Variants in PGPEP1 observed in about 807,000 individuals in gnomAD.
PGPEP1 encodes the protein pyroglutamyl-peptidase 1.
In PGPEP1, 15 loss-of-function variants were observed where a neutral mutation model predicts 24.1. That is an observed-to-expected ratio of 0.62 (90% CI 0.42 to 0.96). The LOEUF (loss-of-function observed/expected upper bound fraction) is 0.96, where lower values mean the gene tolerates loss of function less well. PGPEP1 is among the 40% of genes least tolerant of loss of function. PGPEP1 has a pLI of 0.00. For synonymous variants in PGPEP1, 122 were observed against 116.4 expected (o/e 1.05, Z -0.31); for missense variants, 242 against 273.4 (o/e 0.89, Z 0.81).
rs60299417 is a variant in PGPEP1 at position 18,352,266 on chromosome 19, C to CAAAAAAAAAAAAAAAAAAAAAAAAA, written c.88-3608_88-3607insAAAAAAAAAAAAAAAAAAAAAAAAA. Among the ~76,000 whole-genome samples the CAAAAAAAAAAAAAAAAAAAAAAAAA allele has an allele frequency of 2.5e-4, 11 of 43,658 alleles. 1 individual carries two copies. The highest frequency in any genetic ancestry group is 3.0e-4 in the Non-Finnish European group (7 of 23,122). The allele number at this position is 43,658 out of a possible 152,430, so 28.6% of individuals were successfully genotyped here. ...TGGGTGACAGAGCGAGACTCCGTCT[C>CAAAAAAAAAAAAAAAAAAAAAAAAA]AAAAAAAAAAAAAAAAAAAAATTAG... On this transcript the variant is annotated intron_variant, in intron 2 of 4. Transcript: ENST00000269919.
chr19:18,350,627 G>T (rs1359179880), intron 2 of PGPEP1, among the ~76,000 whole-genome samples: 1 of 152,228 alleles, frequency 6.6e-6, no homozygotes, highest in Non-Finnish European at 1.5e-5. Flanking sequence ...TTCCAATGTA[G>T]GGGAATGTTT....
intron 4 of PGPEP1, among the ~76,000 whole-genome samples, chr19:18,362,235 C>T (rs541043897): frequency 2.0e-5 from 3 of 150,432 alleles, no homozygotes; most frequent in South Asian, 2.1e-4. Context: ...GGTGAAACCC[C>T]GTCTCTACTA....
chr19:18,353,642 C>T (rs545318049), intron 2 of PGPEP1, among the ~76,000 whole-genome samples: 22 of 152,316 alleles, frequency 1.4e-4, no homozygotes, highest in African/African-American at 4.6e-4. Flanking sequence ...AGTAGCCATT[C>T]TCCATTCCCC....
intron 2 of PGPEP1, among the ~76,000 whole-genome samples, chr19:18,347,205 C>T (rs1309017545): frequency 6.6e-6 from 1 of 151,522 alleles, no homozygotes; most frequent in African/African-American, 2.4e-5. Flanking sequence ...CCCCAGCTTC[C>T]CCATTAGCTG....
intron 4 of PGPEP1, among the ~76,000 whole-genome samples, chr19:18,361,482 G>T (rs1037925254): frequency 6.7e-6 from 1 of 149,440 alleles, no homozygotes; most frequent in East Asian, 2.0e-4. Context: ...ACAAGGTGTT[G>T]CAATGTTGCC....
At chr19:18,358,551 C>T (rs953367773) in intron 4 of PGPEP1, among the ~76,000 whole-genome samples, 3 of 148,758 alleles carry the variant, frequency 2.0e-5, no homozygotes, top group Admixed American at 6.7e-5. Context: ...TGAGCCACTG[C>T]GCCCAGCCGA....
intron 1 of PGPEP1, 118 bp downstream of exon 1, chr19:18,340,833 C>A: frequency 1.3e-6 from 1 of 752,576 alleles, no homozygotes; most frequent in South Asian, 3.4e-5. Flanking sequence ...TGGAAGGTGT[C>A]ATCACCCGCG....
Position 18,351,624 on chromosome 19 carries a change from CAAA to C in PGPEP1, c.88-4255_88-4253del, listed in dbSNP as rs538291645. Among the ~76,000 whole-genome samples the C allele has an allele frequency of 1.8e-4, 14 of 78,122 alleles. No individual in the cohort carries two copies. In the East Asian group the frequency reaches 1.8e-3, roughly 10 times the overall value. The allele number at this position is 78,122 out of a possible 152,430, so 51.3% of individuals were successfully genotyped here. A position where few individuals can be genotyped will look rare whatever the true frequency, so the allele number is the denominator to read the frequency against. On this transcript the variant is annotated intron_variant, in intron 2 of 4. Transcript: ENST00000269919. ...GGGCAACAAAAGCAAAACTCCGTCT[CAAA>C]AAAAAAAAAAAAAAAGAAGATAAAA...
chr19:18,359,463 G>C (rs571045240), intron 4 of PGPEP1, among the ~76,000 whole-genome samples: 1 of 150,256 alleles, frequency 6.7e-6, no homozygotes, highest in African/African-American at 2.5e-5. Context: ...AACACCCTAT[G>C]GCCTCTGCCC....
chr19:18,350,513 C>T (rs1970990509), intron 2 of PGPEP1, among the ~76,000 whole-genome samples: 1 of 152,210 alleles, frequency 6.6e-6, no homozygotes, highest in African/African-American at 2.4e-5. Context: ...GCAGCAATGC[C>T]CCTACTTGGC....
At chr19:18,358,498 G>A (rs1971255001) in intron 4 of PGPEP1, among the ~76,000 whole-genome samples, 1 of 151,878 alleles carries the variant, frequency 6.6e-6, no homozygotes, top group Non-Finnish European at 1.5e-5. Flanking sequence ...GACCTCAGGT[G>A]ATGCACCCAC....
At chr19:18,348,122 T>C (rs750517270) in intron 2 of PGPEP1, among the ~76,000 whole-genome samples, 2 of 152,086 alleles carry the variant, frequency 1.3e-5, no homozygotes, top group Non-Finnish European at 2.9e-5. Flanking sequence ...ATGTGTCTCG[T>C]GTGTCCCGTC....
rs765526442 is a variant in PGPEP1, at chr19:18,363,470, G to A, written c.517G>A (p.Gly173Arg). 2.5e-6 allele frequency: 4 copies of A among 1,614,178 alleles called. No individual in the cohort carries two copies. In the South Asian group the frequency reaches 4.4e-5, roughly 18 times the overall value. ...RSAFVHVPPL[G>R]KPYNADQLGR... ...AGCCTTCGTCCACGTGCCCCCACTG[G>A]GGAAGCCGTACAACGCGGACCAGCT... is the stretch of plus-strand genomic sequence containing the variant. The change falls in exon 5 of 5, where the codon GGG becomes AGG. Residue 173 changes from glycine to arginine, a missense_variant. Transcript: ENST00000269919.
At chr19:18,343,349 A>AC (rs757245819) in intron 2 of PGPEP1, among the ~76,000 whole-genome samples, 24 of 152,130 alleles carry the variant, frequency 1.6e-4, no homozygotes, top group Non-Finnish European at 3.4e-4. Flanking sequence ...GATGGTAACC[A>AC]CCGGAGCACA....
chr19:18,356,679 G>A lies in PGPEP1; in HGVS notation c.204+668G>A, dbSNP rs117999667. The stretch of plus-strand genomic sequence containing the variant: ...GGATTGCTTGAGCCCAGGAATTTAA[G>A]ACTGCAGTGAGCCAAGATTTTTATG... On this transcript the variant is annotated intron_variant, in intron 3 of 4. Transcript: ENST00000269919. Among the ~76,000 whole-genome samples the A allele has an allele frequency of 7.2e-5, 11 of 152,234 alleles. No homozygotes were observed. In the East Asian group the frequency reaches 2.1e-3, roughly 29 times the overall value.
rs1971552129 is a variant in PGPEP1, at chr19:18,366,452, T to C, written c.*2869T>C. On this transcript the variant is annotated 3_prime_UTR_variant, in exon 5 of 5. Transcript: ENST00000269919. Reference sequence around the variant, plus strand: ...CATAATGCACAACATTTGGCTCATTTTATTTTTCTCATTGTTATTTTTTAT... The same window carrying C: ...CATAATGCACAACATTTGGCTCATTCTATTTTTCTCATTGTTATTTTTTAT... The C allele has an allele frequency of 6.6e-6, 1 of 152,144 alleles. No homozygotes were observed. The highest frequency in any genetic ancestry group is 1.5e-5 in the Non-Finnish European group (1 of 68,028). The allele number at this position is 152,144 out of a possible 1,614,324, so 9.4% of individuals were successfully genotyped here. A position where few individuals can be genotyped will look rare whatever the true frequency, so the allele number is the denominator to read the frequency against.
At chr19:18,351,607 A>G (rs1971025041) in intron 2 of PGPEP1, among the ~76,000 whole-genome samples, 1 of 150,032 alleles carries the variant, frequency 6.7e-6, no homozygotes, top group Non-Finnish European at 1.5e-5. Context: ...CTGGGCAACA[A>G]AAGCAAAACT....
Position 18,364,777 on chromosome 19 carries a change from A to G in PGPEP1, c.*1194A>G, listed in dbSNP as rs547318595. The G allele has an allele frequency of 6.6e-6, 1 of 152,294 alleles. No homozygotes were observed. The highest frequency in any genetic ancestry group is 1.5e-5 in the Non-Finnish European group (1 of 68,036). The allele number at this position is 152,294 out of a possible 1,614,324, so 9.4% of individuals were successfully genotyped here. A position where few individuals can be genotyped will look rare whatever the true frequency, so the allele number is the denominator to read the frequency against. On this transcript the variant is annotated 3_prime_UTR_variant, in exon 5 of 5. Coordinates refer to ENST00000269919, the MANE Select transcript of PGPEP1 (RefSeq NM_017712.4). ...CAACACCAAGCTATGAGCTGTCGCC[A>G]TGGAGACCAGGGCCACCTGTGGAAA... is the stretch of plus-strand genomic sequence containing the variant.
chr19:18,342,799 C>T, intron 1 of PGPEP1, 60 bp from the exon 2 acceptor site: 2 of 1,350,490 alleles, frequency 1.5e-6, no homozygotes, highest in East Asian at 4.6e-5. Context: ...AGCGGCCAGG[C>T]CAGGGGCAGA....
Sources: gnomAD v4.1 joint callset for allele counts (sites outside exome capture counted in the v4.1 genomes callset) on GRCh38, gnomAD v4.1.1 for gene constraint, MANE v1.5 for transcripts, NCBI Gene and HGNC (gene_info 2026-07-23, HGNC 2026-07-21) for gene names.